Variants in FBXL7 observed in about 807,000 individuals in gnomAD.
FBXL7 encodes the protein F-box/LRR-repeat protein 7.
A neutral mutation model predicts 38.3 loss-of-function variants in FBXL7; 12 were observed. That is an observed-to-expected ratio of 0.31 (90% confidence interval 0.20 to 0.51). The LOEUF (loss-of-function observed/expected upper bound fraction) is 0.51, where lower values mean the gene tolerates loss of function less well. Among genes scored for constraint, FBXL7 ranks in the 20% least tolerant of loss-of-function variants. The pLI is 0.98. For synonymous variants in FBXL7, 297 were observed against 300.9 expected, an observed-to-expected ratio of 0.99 and a Z score of 0.13; for missense variants, 567 against 676.4, an observed-to-expected ratio of 0.84 and a Z score of 1.79.
At chr5:15,738,884 G>A (rs1322738865) in intron 2 of FBXL7, among the ~76,000 whole-genome samples, 3 of 152,238 alleles carry the variant, frequency 2.0e-5, no homozygotes, top group African/African-American at 7.2e-5. Context: ...CAAAGTGTGA[G>A]TGGTGCCTGG....
intron 1 of FBXL7, among the ~76,000 whole-genome samples, chr5:15,570,333 C>T (rs1175965458): frequency 2.0e-5 from 3 of 152,016 alleles, no homozygotes; most frequent in Non-Finnish European, 2.9e-5. Context: ...GTGTATTTGT[C>T]GAGGAATTTA....
At chr5:15,888,193 C>T (rs954068025) in intron 2 of FBXL7, among the ~76,000 whole-genome samples, 1 of 145,992 alleles carries the variant, frequency 6.8e-6, no homozygotes, top group South Asian at 2.2e-4. Context: ...TTTGTAAACA[C>T]CACTTTATTT....
Position 15,939,340 on chromosome 5 carries a change from C to A in FBXL7, c.*2154C>A. 1 of 306,664 alleles carries A rather than the reference C, an allele frequency of 3.3e-6. No homozygotes were observed. The highest frequency in any genetic ancestry group is 5.2e-5 in the East Asian group (1 of 19,368). 19.0% of individuals were successfully genotyped at this position (306,664 alleles called of 1,614,324 possible). On this transcript the variant is annotated 3_prime_UTR_variant, in exon 4 of 4. Transcript: ENST00000504595. Reference sequence around the variant, plus strand: ...ATTTGGGTGTCACAAAGGATTGTCCCTAATCCTTGGCCCTGGGGTCTTCCG... The same window carrying A: ...ATTTGGGTGTCACAAAGGATTGTCCATAATCCTTGGCCCTGGGGTCTTCCG...
At chr5:15,667,668 T>G (rs1742330376) in intron 2 of FBXL7, among the ~76,000 whole-genome samples, 1 of 152,172 alleles carries the variant, frequency 6.6e-6, no homozygotes, top group Non-Finnish European at 1.5e-5. Flanking sequence ...CACACATCCT[T>G]TATTTTCTTC....
rs185722962 is a variant in FBXL7, at chr5:15,919,142, T to C, written c.128-8748T>C. ...TCTTGAGGAAAAAGACAACTTATAATAGAAAGCATCTTGCACAAAAGTTTT... is the reference window on the plus strand; with the variant it reads ...TCTTGAGGAAAAAGACAACTTATAACAGAAAGCATCTTGCACAAAAGTTTT... On this transcript the variant is annotated intron_variant, in intron 2 of 3. Coordinates refer to ENST00000504595, the MANE Select transcript of FBXL7 (RefSeq NM_012304.5). 7.9e-5 allele frequency among the ~76,000 whole-genome samples: 12 copies of C among 152,274 alleles called. No homozygotes were observed. In the East Asian group the frequency reaches 2.1e-3, roughly 27 times the overall value.
chr5:15,663,500 G>A (rs955829334), intron 2 of FBXL7, among the ~76,000 whole-genome samples: 4 of 152,150 alleles, frequency 2.6e-5, no homozygotes, highest in Admixed American at 6.5e-5. Flanking sequence ...ATATTCCTTC[G>A]ATGCCTCATT....
At chr5:15,540,848 G>A (rs543498493) in intron 1 of FBXL7, among the ~76,000 whole-genome samples, 1 of 152,026 alleles carries the variant, frequency 6.6e-6, no homozygotes, top group South Asian at 2.1e-4. Context: ...CATTCATGAG[G>A]GCTCCACCAT....
intron 2 of FBXL7, among the ~76,000 whole-genome samples, chr5:15,787,377 G>A (rs139440651): frequency 2.0e-3 from 307 of 152,270 alleles, no homozygotes; most frequent in African/African-American, 6.9e-3. Flanking sequence ...GTCTTTTAAG[G>A]AGGTATGCCT....
Position 15,936,792 on chromosome 5 carries a change from G to A in FBXL7, c.1082G>A (p.Gly361Asp). 6.2e-7 allele frequency: 1 copy of A among 1,612,196 alleles called. No homozygotes were observed. Among genetic ancestry groups the A allele is most frequent in the South Asian group, 1.1e-5 (1 of 90,870 alleles). The change falls in exon 4 of 4, where the codon GGC (glycine) becomes GAC (aspartate). Residue 361 changes from glycine (G) to aspartate (D), a missense_variant. Transcript: ENST00000504595. This position sits in a 1 kb window ranked among gnomAD's most constrained non-coding sequence, Gnocchi z 6.0. Reference sequence around the variant, plus strand: ...CGGTACCTGAGCATCGCGCACTGCGGCCGGGTCACCGACGTGGGCATCCGC... The same window carrying A: ...CGGTACCTGAGCATCGCGCACTGCGACCGGGTCACCGACGTGGGCATCCGC... ...RLRYLSIAHCGRVTDVGIRYV... is the reference protein window; with the variant it reads ...RLRYLSIAHCDRVTDVGIRYV...
Position 15,936,521 on chromosome 5 carries a change from C to G in FBXL7, c.811C>G (p.Gln271Glu), listed in dbSNP as rs1314404070. ...TAAACTGTCACCCTTGCATGGCAAA[C>G]AGATTTCCATCCGCTACCTGGACAT... ...SIKLSPLHGK[Q>E]ISIRYLDMTD... The change falls in exon 4 of 4, where the codon CAG (glutamine) becomes GAG (glutamate). Residue 271 changes from glutamine to glutamate, a missense_variant. By Grantham distance (29) the Gln-to-Glu change is conservative. Transcript: ENST00000504595. This position sits in a 1 kb window ranked among gnomAD's most constrained non-coding sequence, Gnocchi z 6.0. The G allele has an allele frequency of 6.2e-7, 1 of 1,613,546 alleles. No homozygotes were observed. Among genetic ancestry groups the G allele is most frequent in the Non-Finnish European group, 8.5e-7 (1 of 1,179,918 alleles).
intron 2 of FBXL7, among the ~76,000 whole-genome samples, chr5:15,922,787 A>G (rs1369780010): frequency 6.6e-6 from 1 of 152,232 alleles, no homozygotes; most frequent in African/African-American, 2.4e-5. Context: ...GCTAATTTTC[A>G]TATAAATGTA....
At chr5:15,639,277 T>A (rs1182900226) in intron 2 of FBXL7, among the ~76,000 whole-genome samples, 2 of 152,176 alleles carry the variant, frequency 1.3e-5, no homozygotes, top group Non-Finnish European at 2.9e-5. Flanking sequence ...GACACTGATA[T>A]GGTTTGGCTC....
intron 1 of FBXL7, among the ~76,000 whole-genome samples, chr5:15,523,143 C>G (rs1403723990): frequency 6.6e-6 from 1 of 152,206 alleles, no homozygotes; most frequent in East Asian, 1.9e-4. Flanking sequence ...CGCACCGTTA[C>G]AGAGGATTTA....
At chr5:15,788,654 C>T (rs947745379) in intron 2 of FBXL7, among the ~76,000 whole-genome samples, 18 of 151,946 alleles carry the variant, frequency 1.2e-4, no homozygotes, top group African/African-American at 4.4e-4. Context: ...GTACGTCACT[C>T]ACTCCAACAT....
At chr5:15,531,421 A>G (rs538161637) in intron 1 of FBXL7, among the ~76,000 whole-genome samples, 3 of 152,338 alleles carry the variant, frequency 2.0e-5, no homozygotes, top group African/African-American at 7.2e-5. Flanking sequence ...AGGATGATAT[A>G]GAGACTTTAT....
chr5:15,674,950 A>G (rs1054993752), intron 2 of FBXL7, among the ~76,000 whole-genome samples: 3 of 152,182 alleles, frequency 2.0e-5, no homozygotes, highest in African/African-American at 7.2e-5. Flanking sequence ...AGCACTGCAG[A>G]CATGTCAGTG....
intron 2 of FBXL7, among the ~76,000 whole-genome samples, chr5:15,718,451 G>T (rs944129678): frequency 1.3e-5 from 2 of 152,172 alleles, no homozygotes; most frequent in Non-Finnish European, 2.9e-5. Context: ...GGGTATCTTA[G>T]TACTTATAGG....
intron 3 of FBXL7, among the ~76,000 whole-genome samples, chr5:15,929,540 C>T (rs1187696917): frequency 6.7e-6 from 1 of 150,334 alleles, no homozygotes; most frequent in African/African-American, 2.4e-5. Flanking sequence ...AGGAGGATTG[C>T]TTGAGCCCAG....
chr5:15,772,774 T>C (rs1421363249), intron 2 of FBXL7, among the ~76,000 whole-genome samples: 1 of 152,168 alleles, frequency 6.6e-6, no homozygotes, highest in Non-Finnish European at 1.5e-5. Context: ...AAATATCCTC[T>C]ATTATATCCC....
Sources: gnomAD v4.1 joint callset for allele counts (sites outside exome capture counted in the v4.1 genomes callset) on GRCh38, gnomAD v4.1.1 for gene constraint, Gnocchi (gnomAD v3.1) non-coding constraint, MANE v1.5 for transcripts, NCBI Gene and HGNC (gene_info 2026-07-23, HGNC 2026-07-21) for gene names.